Variants in APBB2 observed in about 807,000 individuals in gnomAD.
APBB2 encodes Fe65-like 1.
Under a neutral mutation model 82.5 loss-of-function variants are expected in APBB2, and 38 were observed. That is an observed-to-expected ratio of 0.46 (90% CI 0.36 to 0.60). The LOEUF (loss-of-function observed/expected upper bound fraction) is 0.60. APBB2 is among the 20% of genes least tolerant of loss of function. The pLI, the probability that APBB2 is intolerant of heterozygous loss-of-function variation, is 0.00. For missense variants in APBB2, 772 were observed against 972.3 expected, an observed-to-expected ratio of 0.79 and a Z score of 2.74; for synonymous variants, 341 against 368.2, an observed-to-expected ratio of 0.93 and a Z score of 0.85.
intron 6 of APBB2, among the ~76,000 whole-genome samples, chr4:40,961,723 T>C (rs1203263060): frequency 7.6e-6 from 1 of 131,112 alleles, no homozygotes. Context: ...CTGATTCTCA[T>C]CTGGCCCAAG....
At chr4:40,844,838 G>C (rs1000942527) in intron 12 of APBB2, among the ~76,000 whole-genome samples, 2 of 152,204 alleles carry the variant, frequency 1.3e-5, no homozygotes, top group African/African-American at 4.8e-5. Context: ...GGATATGTTA[G>C]TGCTTTGACT....
At chr4:41,131,727 A>C (rs1376781548) in intron 2 of APBB2, among the ~76,000 whole-genome samples, 1 of 152,122 alleles carries the variant, frequency 6.6e-6, no homozygotes, top group Non-Finnish European at 1.5e-5. Context: ...GAAAAATAAC[A>C]CTGTTTACTG....
chr4:40,887,577 T>TA (rs969776899), intron 12 of APBB2, among the ~76,000 whole-genome samples: 1 of 151,912 alleles, frequency 6.6e-6, no homozygotes, highest in African/African-American at 2.4e-5. Flanking sequence ...CAAAGGAAAG[T>TA]AAAAAAAGCA....
intron 6 of APBB2, among the ~76,000 whole-genome samples, chr4:40,963,811 C>A (rs1225604602): frequency 6.6e-6 from 1 of 152,230 alleles, no homozygotes; most frequent in Non-Finnish European, 1.5e-5. Context: ...TTTGTGCTTT[C>A]TTCCTCATAG....
intron 12 of APBB2, among the ~76,000 whole-genome samples, chr4:40,881,840 C>T (rs1294058687): frequency 6.6e-6 from 1 of 152,088 alleles, no homozygotes; most frequent in Non-Finnish European, 1.5e-5. Flanking sequence ...GGCCGAGACC[C>T]ATTATTTCTA....
At chr4:41,207,044 CA>C in intron 1 of APBB2, among the ~76,000 whole-genome samples, 1 of 151,870 alleles carries the variant, frequency 6.6e-6, no homozygotes, top group East Asian at 1.9e-4. Flanking sequence ...ACTAAAAATA[CA>C]AAAATTAGCC....
At chr4:41,045,138 A>T (rs1722920742) in intron 4 of APBB2, among the ~76,000 whole-genome samples, 1 of 151,458 alleles carries the variant, frequency 6.6e-6, no homozygotes, top group Non-Finnish European at 1.5e-5. Flanking sequence ...TTCTAAGATG[A>T]TTTTTTTTAA....
chr4:41,167,157 G>A (rs1482788844), intron 1 of APBB2, among the ~76,000 whole-genome samples: 1 of 152,202 alleles, frequency 6.6e-6, no homozygotes, highest in Admixed American at 6.5e-5. Flanking sequence ...GGATGCACCA[G>A]GCAAGAGGTG....
intron 15 of APBB2, among the ~76,000 whole-genome samples, chr4:40,825,365 T>G (rs1749535459): frequency 6.6e-6 from 1 of 151,780 alleles, no homozygotes; most frequent in African/African-American, 2.4e-5. Context: ...CTCCACAGCC[T>G]TTTTTAGCCC....
chr4:41,051,222 C>CCATAG (rs1201429135), intron 4 of APBB2, among the ~76,000 whole-genome samples: 1 of 152,304 alleles, frequency 6.6e-6, no homozygotes, highest in East Asian at 1.9e-4. Context: ...GGACAAGCCA[C>CCATAG]CATAGAATTC....
At chr4:41,094,917 T>G (rs1325222272) in intron 3 of APBB2, among the ~76,000 whole-genome samples, 1 of 152,112 alleles carries the variant, frequency 6.6e-6, no homozygotes, top group Admixed American at 6.5e-5. Context: ...TTAAGCAAGG[T>G]GCTACGAAAG....
At chr4:41,006,189 G>C (rs1050270796) in intron 6 of APBB2, among the ~76,000 whole-genome samples, 4 of 152,142 alleles carry the variant, frequency 2.6e-5, no homozygotes, top group African/African-American at 9.7e-5. Flanking sequence ...GTTCAGGGGG[G>C]TAAAATAAAA....
At chr4:40,866,022 G>A (rs1027498563) in intron 12 of APBB2, among the ~76,000 whole-genome samples, 1 of 152,182 alleles carries the variant, frequency 6.6e-6, no homozygotes, top group Admixed American at 6.5e-5. Context: ...GCAAAACGGT[G>A]CACCTCCTCA....
chr4:41,079,995 G>A (rs1230291114), intron 3 of APBB2, among the ~76,000 whole-genome samples: 1 of 152,210 alleles, frequency 6.6e-6, no homozygotes, highest in Non-Finnish European at 1.5e-5. Context: ...CCAGAGACAT[G>A]CTCAGATTCT....
At chr4:40,967,145 G>A (rs910006005) in intron 6 of APBB2, among the ~76,000 whole-genome samples, 26 of 152,174 alleles carry the variant, frequency 1.7e-4, no homozygotes, top group Non-Finnish European at 4.4e-5. Flanking sequence ...GAGCTGGGCA[G>A]ACAACAGGAT....
At chr4:41,092,023 A>G (rs978151015) in intron 3 of APBB2, among the ~76,000 whole-genome samples, 1 of 152,236 alleles carries the variant, frequency 6.6e-6, no homozygotes, top group African/African-American at 2.4e-5. Context: ...AATGTTGAAT[A>G]AAAGAATAAA....
rs1744746895 is a variant in APBB2 at position 40,813,108 on chromosome 4, G to A, written c.*2984C>T. The A allele has an allele frequency of 6.6e-6, 1 of 152,074 alleles. No homozygotes were observed. The allele number at this position is 152,074 out of a possible 1,614,324, so 9.4% of individuals were successfully genotyped here. A position where few individuals can be genotyped will look rare whatever the true frequency, so the allele number is the denominator to read the frequency against. The stretch of plus-strand genomic sequence containing the variant: ...TCTAGCTGCTTTTAAAAAATAAAAG[G>A]AACTTTAAGCATTTTGCCTTTTCTT... On this transcript the variant is annotated 3_prime_UTR_variant, in exon 18 of 18. Transcript: ENST00000508593.
chr4:40,996,757 A>ATACTTCCT (rs1803742514), intron 6 of APBB2, among the ~76,000 whole-genome samples: 1 of 151,786 alleles, frequency 6.6e-6, no homozygotes, highest in South Asian at 2.1e-4. Context: ...CTCTACTTCC[A>ATACTTCCT]CTCTATTTTT....
At chr4:41,092,457 GACA>G (rs745807011) in intron 3 of APBB2, among the ~76,000 whole-genome samples, 5 of 152,108 alleles carry the variant, frequency 3.3e-5, no homozygotes, top group Admixed American at 6.6e-5. Context: ...AGCAGCTACA[GACA>G]ACAAGAGTAA....
Sources: allele counts gnomAD v4.1 joint callset (sites outside exome capture counted in the v4.1 genomes callset), GRCh38; gene constraint gnomAD v4.1.1; transcripts MANE v1.5; gene names NCBI Gene and HGNC (gene_info 2026-07-23, HGNC 2026-07-21).